The following DCP2 variants were observed in gnomAD, a reference collection of about 807,000 sequenced individuals.
DCP2 encodes decapping mRNA 2.
A neutral mutation model predicts 56.1 loss-of-function variants in DCP2; 30 were observed. The observed-to-expected ratio is 0.53, with a 90% CI of 0.40 to 0.73. DCP2 has a LOEUF of 0.73. Among genes scored for constraint, DCP2 ranks in the 30% least tolerant of loss-of-function variants. The pLI, the probability that DCP2 is intolerant of heterozygous loss-of-function variation, is 0.00. For synonymous variants in DCP2, 197 were observed against 163.3 expected (o/e 1.21, Z -1.57); for missense variants, 533 against 502.7 (o/e 1.06, Z -0.58).
chr5:113,010,719 ATGTGTG>A, intron 9 of DCP2, 31 bp from the exon 10 acceptor site: 1 of 1,200,248 alleles, frequency 8.3e-7, no homozygotes. Flanking sequence ...ACTGTGTTGT[ATGTGTG>A]TGTGTGTGTG....
intron 2 of DCP2, among the ~76,000 whole-genome samples, chr5:112,986,233 T>C (rs1335128955): frequency 1.3e-5 from 2 of 152,186 alleles, no homozygotes; most frequent in African/African-American, 2.4e-5. Context: ...TTTATTTTTT[T>C]CCCATGCATA....
At chr5:112,996,942 A>G (rs940307573) in intron 4 of DCP2, among the ~76,000 whole-genome samples, 1 of 152,244 alleles carries the variant, frequency 6.6e-6, no homozygotes, top group Non-Finnish European at 1.5e-5. Flanking sequence ...TGGCTGAGCA[A>G]AGGAGGTAGG....
chr5:113,010,575 G>T (rs1237268487), intron 9 of DCP2, among the ~76,000 whole-genome samples, 181 bp from the exon 10 acceptor site: 1 of 152,010 alleles, frequency 6.6e-6, no homozygotes, highest in African/African-American at 2.4e-5. Context: ...AAAAATTTTA[G>T]GTGTGAAAAG....
chr5:113,001,148 G>T lies in DCP2; in HGVS notation c.497G>T (p.Arg166Leu). Residue 166 changes from arginine to leucine, a missense_variant, in exon 5 of 11, where the codon CGA becomes CTA. Physicochemically the swap from Arg to Leu is moderately radical, Grantham distance 102. Transcript: ENST00000389063. ...YICKDDYIEL[R>L]INDQLARLYI... ...TGTAAGGATGATTACATTGAACTTC[G>T]AATCAATGACCAGCTTGCTCGTTTG... is the stretch of plus-strand genomic sequence containing the variant. The T allele has an allele frequency of 6.2e-7, 1 of 1,613,772 alleles. No individual in the cohort carries two copies. Among genetic ancestry groups the T allele is most frequent in the Non-Finnish European group, 8.5e-7 (1 of 1,179,892 alleles).
chr5:112,993,924 G>C (rs962861582), intron 4 of DCP2, among the ~76,000 whole-genome samples: 3 of 149,622 alleles, frequency 2.0e-5, no homozygotes, highest in Admixed American at 2.0e-4. Context: ...ATCTCGCTTT[G>C]TTGTCCAGTG....
In DCP2 at chr5:113,019,862, C is replaced by G. The variant is rs1750032884; in HGVS notation, c.*6378C>G. 6.6e-6 allele frequency: 1 copy of G among 152,122 alleles called. No individual in the cohort carries two copies. Among genetic ancestry groups the G allele is most frequent in the East Asian group, 1.9e-4 (1 of 5,202 alleles). 9.4% of individuals were successfully genotyped at this position (152,122 alleles called of 1,614,324 possible). A position where few individuals can be genotyped will look rare whatever the true frequency, so the allele number is the denominator to read the frequency against. On this transcript the variant is annotated 3_prime_UTR_variant, in exon 11 of 11. Coordinates refer to ENST00000389063, the MANE Select transcript of DCP2 (RefSeq NM_152624.6). ...TTTCAGAATAAAATAAACGGAATTA[C>G]AGTTCATGCATTAGCATTTTTAAGT...
At chr5:112,989,618 C>T (rs1434524192) in intron 2 of DCP2, among the ~76,000 whole-genome samples, 1 of 152,062 alleles carries the variant, frequency 6.6e-6, no homozygotes, top group Non-Finnish European at 1.5e-5. Context: ...CTTTAAAAAA[C>T]AGATTAAAAA....
chr5:112,988,836 T>C (rs751436783), intron 2 of DCP2, among the ~76,000 whole-genome samples: 6 of 152,360 alleles, frequency 3.9e-5, no homozygotes, highest in South Asian at 2.1e-4. Flanking sequence ...GCTTTGGTCA[T>C]TTTGTATGGA....
chr5:112,994,368 C>G (rs954604474), intron 4 of DCP2, among the ~76,000 whole-genome samples: 4 of 151,072 alleles, frequency 2.6e-5, no homozygotes, highest in African/African-American at 9.7e-5. Flanking sequence ...GGTGGGGTCT[C>G]ACTGTGTTGC....
At chr5:112,981,794 C>G (rs533216814) in intron 1 of DCP2, among the ~76,000 whole-genome samples, 4 of 152,188 alleles carry the variant, frequency 2.6e-5, no homozygotes, top group African/African-American at 9.6e-5. Flanking sequence ...GTTTTTGAGA[C>G]GGAGTCTTGC....
chr5:113,003,418 GT>G (rs1201515166), intron 7 of DCP2, among the ~76,000 whole-genome samples: 1 of 151,994 alleles, frequency 6.6e-6, no homozygotes, highest in African/African-American at 2.4e-5. Flanking sequence ...CTTGTGCAGG[GT>G]CAAAAAATTA....
chr5:112,992,170 A>T lies in DCP2; in HGVS notation c.255A>T (p.Lys85Asn). 6.2e-7 allele frequency: 1 copy of T among 1,613,970 alleles called. No individual in the cohort carries two copies. The highest frequency in any genetic ancestry group is 1.1e-5 in the South Asian group (1 of 91,068). Reference sequence around the variant, plus strand: ...TGCCTCAAGGTGAAGATGTGGAAAAAGTTTTGGATGAATGGAAGGAATATA... The same window carrying T: ...TGCCTCAAGGTGAAGATGTGGAAAATGTTTTGGATGAATGGAAGGAATATA... ...FLLPQGEDVEKVLDEWKEYKM... is the reference protein window; with the variant it reads ...FLLPQGEDVENVLDEWKEYKM... The change falls in exon 3 of 11, where the codon AAA becomes AAT. Residue 85 changes from lysine to asparagine, a missense_variant. Physicochemically the swap from Lys to Asn is moderately conservative, Grantham distance 94 (BLOSUM62 0). Transcript: ENST00000389063.
At chr5:113,004,715 T>C (rs1184098967) in intron 8 of DCP2, among the ~76,000 whole-genome samples, 6 of 152,248 alleles carry the variant, frequency 3.9e-5, no homozygotes, top group African/African-American at 1.4e-4. Context: ...ACTCAAGTTA[T>C]TTATATCCTC....
intron 4 of DCP2, among the ~76,000 whole-genome samples, chr5:112,994,626 C>A (rs954941803): frequency 3.3e-5 from 5 of 152,118 alleles, no homozygotes; most frequent in African/African-American, 9.7e-5. Flanking sequence ...TTATTTCTTA[C>A]CATTTATCAC....
At chr5:112,993,677 T>C (rs1323165130) in intron 4 of DCP2, among the ~76,000 whole-genome samples, 1 of 151,828 alleles carries the variant, frequency 6.6e-6, no homozygotes, top group Non-Finnish European at 1.5e-5. Flanking sequence ...TACTGTTATT[T>C]TCCTACCTGG....
intron 1 of DCP2, among the ~76,000 whole-genome samples, chr5:112,977,286 C>G (rs1039735795): frequency 6.6e-6 from 1 of 152,136 alleles, no homozygotes; most frequent in Non-Finnish European, 1.5e-5. Context: ...GAGCCTGGGT[C>G]TTAGCGTTTT....
At chr5:112,991,254 C>G (rs10515453) in intron 2 of DCP2, among the ~76,000 whole-genome samples, 27,823 of 152,034 alleles carry the variant, frequency 0.18, 2,674 homozygotes, top group Non-Finnish European at 0.21. Flanking sequence ...ATTGAGAACC[C>G]TTAAAAGTAT....
intron 2 of DCP2, among the ~76,000 whole-genome samples, chr5:112,991,905 A>G (rs1748611488): frequency 6.6e-6 from 1 of 152,200 alleles, no homozygotes; most frequent in African/African-American, 2.4e-5. Flanking sequence ...GAGAAAACAA[A>G]TGTAGAAAAA....
intron 2 of DCP2, among the ~76,000 whole-genome samples, chr5:112,987,761 A>G (rs1333203822): frequency 4.6e-5 from 7 of 151,414 alleles, no homozygotes; most frequent in Admixed American, 1.3e-4. Context: ...GGTATGAGCA[A>G]CTGTGCCCAA....
Sources: gnomAD v4.1 joint callset for allele counts (sites outside exome capture counted in the v4.1 genomes callset) on GRCh38, gnomAD v4.1.1 for gene constraint, MANE v1.5 for transcripts, NCBI Gene and HGNC (gene_info 2026-07-23, HGNC 2026-07-21) for gene names.